UTRN: variants seen among roughly 807,000 people sequenced by gnomAD.
UTRN encodes utrophin.
UTRN carries 283 observed loss-of-function variants against 463.9 expected under a neutral mutation model. The ratio of observed to expected loss-of-function variants is 0.61; its 90% CI spans 0.55 to 0.67. The LOEUF is 0.67. UTRN is among the 30% of genes least tolerant of loss of function. The pLI is 0.00. For synonymous variants in UTRN, 1,442 were observed against 1,431.5 expected (o/e 1.01, Z -0.17); for missense variants, 3,922 against 4,084.3 (o/e 0.96, Z 1.08).
intron 47 of UTRN, 62 bp from the exon 48 acceptor site, chr6:144,550,903 T>G: frequency 7.2e-7 from 1 of 1,398,286 alleles, no homozygotes; most frequent in South Asian, 1.5e-5. Flanking sequence ...CACAACTGTT[T>G]TGCTTATTAT....
intron 73 of UTRN, among the ~76,000 whole-genome samples, chr6:144,845,842 G>T (rs768995889): frequency 3.9e-5 from 6 of 152,060 alleles, no homozygotes; most frequent in African/African-American, 7.2e-5. Flanking sequence ...TTTCCCTCCA[G>T]ACGTTATAGG....
chr6:144,713,795 C>T lies in UTRN; in HGVS notation c.7809+13552C>T, dbSNP rs374965148. On this transcript the variant is annotated intron_variant, in intron 53 of 74. Transcript: ENST00000367545. Reference sequence around the variant, plus strand: ...ATTTGTCAGGCATAGCGGCACATGCCTGTAATCCCAGCTACTCGGGAGGCT... The same window carrying T: ...ATTTGTCAGGCATAGCGGCACATGCTTGTAATCCCAGCTACTCGGGAGGCT... 4.8e-4 allele frequency among the ~76,000 whole-genome samples: 72 copies of T among 151,336 alleles called. 1 individual carries two copies. The South Asian group carries it at 0.014, about 29-fold the overall frequency.
intron 51 of UTRN, among the ~76,000 whole-genome samples, chr6:144,651,683 T>C (rs1453361418): frequency 6.6e-6 from 1 of 152,258 alleles, no homozygotes; most frequent in Non-Finnish European, 1.5e-5. Context: ...GAGGAAGTTA[T>C]GTTCTGATGA....
At chr6:144,521,873 T>G (rs1796122775) in intron 39 of UTRN, 107 bp from the exon 40 acceptor site, 5 of 721,198 alleles carry the variant, frequency 6.9e-6, no homozygotes, top group Non-Finnish European at 9.3e-6. Context: ...AAAATTTGGT[T>G]CATGATATTG....
intron 69 of UTRN, among the ~76,000 whole-genome samples, chr6:144,834,735 G>C (rs1280108741): frequency 6.6e-6 from 1 of 152,198 alleles, no homozygotes; most frequent in African/African-American, 2.4e-5. Flanking sequence ...ACAGGATGCT[G>C]TCTGACTCCA....
chr6:144,435,814 G>T, intron 9 of UTRN, 121 bp from the exon 10 acceptor site: 2 of 1,065,256 alleles, frequency 1.9e-6, no homozygotes, highest in Admixed American at 2.4e-5. Flanking sequence ...TGGCTCCTGA[G>T]AATTGGATTA....
intron 47 of UTRN, among the ~76,000 whole-genome samples, chr6:144,549,354 T>TTGTCAGTA (rs1798700883): frequency 6.6e-6 from 1 of 152,222 alleles, no homozygotes; most frequent in African/African-American, 2.4e-5. Flanking sequence ...ACAAGGATAC[T>TTGTCAGTA]GACAAGAATA....
Position 144,742,132 on chromosome 6 carries a change from A to T in UTRN, c.7940-6114A>T, listed in dbSNP as rs140815582. ...TTTGAGAAGTCCACTGGCAGCATGG[A>T]TGAATCTATGCCATCTTTATCATAT... On this transcript the variant is annotated intron_variant, in intron 54 of 74. Transcript: ENST00000367545. 4.4e-3 allele frequency among the ~76,000 whole-genome samples: 669 copies of T among 152,318 alleles called. 3 individuals are homozygous for T. The highest frequency in any genetic ancestry group is 0.015 in the African/African-American group (642 of 41,566).
intron 71 of UTRN, among the ~76,000 whole-genome samples, chr6:144,838,528 A>G (rs1781292271): frequency 6.6e-6 from 1 of 152,248 alleles, no homozygotes; most frequent in Non-Finnish European, 1.5e-5. Flanking sequence ...CAGCGTATCC[A>G]TATTGAAGAT....
At chr6:144,490,240 T>C (rs1792926525) in intron 31 of UTRN, 41 bp downstream of exon 31, 2 of 1,568,594 alleles carry the variant, frequency 1.3e-6, no homozygotes, top group Non-Finnish European at 1.7e-6. Context: ...TTCAACTTGT[T>C]GGGAATTTTC....
At chr6:144,524,925 G>T (rs1296746275) in intron 41 of UTRN, among the ~76,000 whole-genome samples, 2 of 152,030 alleles carry the variant, frequency 1.3e-5, no homozygotes. Flanking sequence ...TTTGTCAGAG[G>T]CTTTTTCTGA....
At chr6:144,571,526 T>G (rs1392604056) in intron 50 of UTRN, among the ~76,000 whole-genome samples, 2 of 152,200 alleles carry the variant, frequency 1.3e-5, no homozygotes, top group Non-Finnish European at 2.9e-5. Flanking sequence ...TTCAATTCTT[T>G]AGTATTAGAA....
intron 38 of UTRN, 107 bp from the exon 39 acceptor site, chr6:144,516,704 G>A: frequency 1.1e-6 from 1 of 879,558 alleles, no homozygotes; most frequent in Non-Finnish European, 1.6e-6. Flanking sequence ...AACATATCTT[G>A]ACGTATACTA....
At chr6:144,417,027 A>G (rs1352231687) in intron 3 of UTRN, among the ~76,000 whole-genome samples, 1 of 152,132 alleles carries the variant, frequency 6.6e-6, no homozygotes, top group East Asian at 1.9e-4. Context: ...TTCATAGATG[A>G]CTTCTGACAT....
chr6:144,704,839 G>T (rs1209745499), intron 53 of UTRN, among the ~76,000 whole-genome samples: 1 of 152,058 alleles, frequency 6.6e-6, no homozygotes, highest in African/African-American at 2.4e-5. Context: ...ACGTGCGCCT[G>T]TAGTCCCAGC....
intron 7 of UTRN, 152 bp downstream of exon 7, chr6:144,426,611 C>A: frequency 1.2e-6 from 1 of 845,454 alleles, no homozygotes; most frequent in Non-Finnish European, 1.7e-6. Flanking sequence ...AAAGAAATAT[C>A]ATGGAAGAAA....
chr6:144,467,187 T>C (rs1187717885), intron 23 of UTRN, among the ~76,000 whole-genome samples: 4 of 152,246 alleles, frequency 2.6e-5, no homozygotes, highest in African/African-American at 9.6e-5. Flanking sequence ...GACTATTGCC[T>C]TTCTCTGAAA....
intron 2 of UTRN, among the ~76,000 whole-genome samples, chr6:144,343,853 C>G (rs1777339170): frequency 6.6e-6 from 1 of 152,076 alleles, no homozygotes; most frequent in African/African-American, 2.4e-5. Context: ...TTTATCTACG[C>G]AGTGGGTAGG....
intron 51 of UTRN, among the ~76,000 whole-genome samples, chr6:144,663,053 G>A (rs930991531): frequency 5.3e-5 from 8 of 152,132 alleles, no homozygotes; most frequent in African/African-American, 1.7e-4. Context: ...CTGATTTCTA[G>A]TCTTCTAGAA....
Sources: allele counts gnomAD v4.1 joint callset (sites outside exome capture counted in the v4.1 genomes callset), GRCh38; gene constraint gnomAD v4.1.1; transcripts MANE v1.5; gene names NCBI Gene and HGNC (gene_info 2026-07-23, HGNC 2026-07-21).